Variants in LRRTM4 observed in about 807,000 individuals in gnomAD.
LRRTM4 encodes leucine-rich repeat transmembrane neuronal protein 4.
In LRRTM4, 25 loss-of-function variants were observed where a neutral mutation model predicts 47.6. The ratio of observed to expected loss-of-function variants is 0.53; its 90% confidence interval spans 0.38 to 0.73. LRRTM4 has a LOEUF of 0.73. LRRTM4 is among the 30% of genes least tolerant of loss of function. LRRTM4 has a pLI of 0.00. For missense variants in LRRTM4, 638 were observed against 713.4 expected (o/e 0.89, Z 1.20); for synonymous variants, 311 against 269.5 (o/e 1.15, Z -1.51).
At chr2:76,999,422 G>T (rs1677329480) in intron 3 of LRRTM4, among the ~76,000 whole-genome samples, 1 of 149,742 alleles carries the variant, frequency 6.7e-6, no homozygotes. Context: ...CTTAAATCCA[G>T]GAAGGAAAAC....
At chr2:77,106,837 A>C (rs1671105660) in intron 3 of LRRTM4, among the ~76,000 whole-genome samples, 1 of 152,000 alleles carries the variant, frequency 6.6e-6, no homozygotes, top group Non-Finnish European at 1.5e-5. Flanking sequence ...AAAGAATTAT[A>C]AGGAAATGAA....
intron 3 of LRRTM4, among the ~76,000 whole-genome samples, chr2:77,136,449 A>T (rs1360150938): frequency 6.6e-6 from 1 of 152,228 alleles, no homozygotes; most frequent in South Asian, 2.1e-4. Context: ...ACAAACAGAA[A>T]GGACATCCAC....
chr2:77,101,440 C>T (rs754668577), intron 3 of LRRTM4, among the ~76,000 whole-genome samples: 2 of 152,028 alleles, frequency 1.3e-5, no homozygotes, highest in Non-Finnish European at 2.9e-5. Flanking sequence ...CTGAGTAATG[C>T]TATTAGCTTA....
chr2:76,796,244 G>C (rs1364906909), intron 3 of LRRTM4, among the ~76,000 whole-genome samples: 3 of 74,158 alleles, frequency 4.0e-5, no homozygotes, highest in African/African-American at 1.7e-4. Flanking sequence ...TGGGGGAGGG[G>C]TGCCCGCCAT....
intron 3 of LRRTM4, among the ~76,000 whole-genome samples, chr2:76,774,055 C>T (rs1673841660): frequency 6.6e-6 from 1 of 152,030 alleles, no homozygotes; most frequent in African/African-American, 2.4e-5. Flanking sequence ...TACCCGAAAA[C>T]TTAGCTACTA....
At chr2:77,047,706 C>T (rs1277343601) in intron 3 of LRRTM4, among the ~76,000 whole-genome samples, 1 of 151,984 alleles carries the variant, frequency 6.6e-6, no homozygotes, top group Non-Finnish European at 1.5e-5. Flanking sequence ...ATTACATCGG[C>T]AATGACTCCA....
intron 3 of LRRTM4, among the ~76,000 whole-genome samples, chr2:76,782,238 T>C (rs1674435794): frequency 6.6e-6 from 1 of 152,196 alleles, no homozygotes; most frequent in Admixed American, 6.5e-5. Context: ...CAAATTTCCT[T>C]TCCTTTTTTT....
chr2:77,514,154 A>G (rs1679123240), intron 3 of LRRTM4, among the ~76,000 whole-genome samples: 1 of 152,034 alleles, frequency 6.6e-6, no homozygotes, highest in South Asian at 2.1e-4. Context: ...TACAGTTTCA[A>G]TCATAACATT....
At chr2:77,410,678 A>G (rs1422146282) in intron 3 of LRRTM4, among the ~76,000 whole-genome samples, 1 of 152,158 alleles carries the variant, frequency 6.6e-6, no homozygotes, top group Non-Finnish European at 1.5e-5. Flanking sequence ...GGAAATCAAC[A>G]CTATTTTCTT....
chr2:76,819,328 G>T (rs187461438), intron 3 of LRRTM4, among the ~76,000 whole-genome samples: 19 of 151,834 alleles, frequency 1.3e-4, no homozygotes, highest in Non-Finnish European at 2.5e-4. Context: ...TACATTATTT[G>T]TCTACAGTCA....
intron 3 of LRRTM4, among the ~76,000 whole-genome samples, chr2:77,374,227 G>A (rs1380877151): frequency 6.6e-6 from 1 of 151,842 alleles, no homozygotes; most frequent in Non-Finnish European, 1.5e-5. Context: ...ACAAGCATGG[G>A]ATGTAATTTG....
At chr2:77,125,728 TCAC>T (rs1461058726) in intron 3 of LRRTM4, among the ~76,000 whole-genome samples, 1 of 152,000 alleles carries the variant, frequency 6.6e-6, no homozygotes, top group African/African-American at 2.4e-5. Flanking sequence ...AAATTTAACC[TCAC>T]CACTAGAAAA....
chr2:76,775,550 G>C (rs116528575), intron 3 of LRRTM4, among the ~76,000 whole-genome samples: 4,715 of 152,158 alleles, frequency 0.031, 261 homozygotes, highest in African/African-American at 0.11. Context: ...TAAAAAAAGA[G>C]TTCTTGTTGT....
intron 3 of LRRTM4, among the ~76,000 whole-genome samples, chr2:77,200,165 G>C (rs540529367): frequency 6.6e-6 from 1 of 152,142 alleles, no homozygotes; most frequent in South Asian, 2.1e-4. Context: ...GGCATCTCTT[G>C]TGATTAATGG....
intron 3 of LRRTM4, among the ~76,000 whole-genome samples, chr2:77,475,138 T>C (rs10169163): frequency 0.33 from 50,269 of 151,894 alleles, 8,495 homozygotes; most frequent in Middle Eastern, 0.37. Flanking sequence ...CCAAAACATG[T>C]TAAAGATGAG....
rs573898548 is a variant in LRRTM4, at chr2:77,077,784, A to C, written c.1552-328868T>G. On this transcript the variant is annotated intron_variant, in intron 3 of 3. Transcript: ENST00000409884. Reference sequence around the variant, plus strand: ...CAGTCTGTCTTTATATGTGTGGAACATACCCAACAACTTCTAAAAACAATA... The same window carrying C: ...CAGTCTGTCTTTATATGTGTGGAACCTACCCAACAACTTCTAAAAACAATA... Among the ~76,000 whole-genome samples the C allele has an allele frequency of 1.2e-4, 19 of 152,314 alleles. No homozygotes were observed. The South Asian group carries it at 3.7e-3, about 30-fold the overall frequency.
chr2:76,859,477 G>T (rs1672249652), intron 3 of LRRTM4, among the ~76,000 whole-genome samples: 2 of 152,188 alleles, frequency 1.3e-5, no homozygotes, highest in East Asian at 3.9e-4. Flanking sequence ...GATACACAGA[G>T]AAGTTAAAAT....
At chr2:76,990,574 G>A (rs1194869872) in intron 3 of LRRTM4, among the ~76,000 whole-genome samples, 1 of 151,728 alleles carries the variant, frequency 6.6e-6, no homozygotes, top group African/African-American at 2.4e-5. Context: ...TAATGACAAA[G>A]GGTTCAATTT....
At chr2:76,826,235 G>T (rs949944858) in intron 3 of LRRTM4, among the ~76,000 whole-genome samples, 5 of 151,574 alleles carry the variant, frequency 3.3e-5, no homozygotes, top group Non-Finnish European at 7.4e-5. Context: ...ATGAGACAAA[G>T]AATTTAACAA....
Sources: gnomAD v4.1 joint callset for allele counts (sites outside exome capture counted in the v4.1 genomes callset) on GRCh38, gnomAD v4.1.1 for gene constraint, MANE v1.5 for transcripts, NCBI Gene and HGNC (gene_info 2026-07-23, HGNC 2026-07-21) for gene names.